Variants in HPRT1 observed in about 807,000 individuals in gnomAD.
The protein encoded by HPRT1 is hypoxanthine phosphoribosyltransferase 1, also known as hypoxanthine-guanine phosphoribosyltransferase.
In HPRT1, 4 loss-of-function variants were observed where a neutral mutation model predicts 19.0. That is an observed-to-expected ratio of 0.21 (90% CI 0.10 to 0.48). The LOEUF is 0.48. Ranked by LOEUF, HPRT1 falls within the 20% of genes least tolerant of loss-of-function variation. HPRT1 has a pLI of 0.98. For synonymous variants in HPRT1, 53 were observed against 54.9 expected (o/e 0.97, Z 0.15); for missense variants, 65 against 164.0 (o/e 0.40, Z 3.30).
At chrX:134,474,044 A>G (rs1569355024) in intron 2 of HPRT1, among the ~76,000 whole-genome samples, 1 of 112,347 alleles carries the variant, frequency 8.9e-6, no homozygotes. Flanking sequence ...TGTATACTAT[A>G]TGCAAAAGTA....
intron 6 of HPRT1, among the ~76,000 whole-genome samples, chrX:134,495,146 T>TATAG (rs1470534409): frequency 1.9e-5 from 2 of 103,778 alleles, no homozygotes; most frequent in Non-Finnish European, 3.9e-5. Flanking sequence ...TGGCCTACTG[T>TATAG]GATCACACCA....
intron 5 of HPRT1, among the ~76,000 whole-genome samples, chrX:134,490,708 A>T (rs940293118): frequency 9.3e-6 from 1 of 107,853 alleles, no homozygotes; most frequent in Non-Finnish European, 1.9e-5. Context: ...GTGGTTCTCA[A>T]AATGTGGTTC....
intron 3 of HPRT1, among the ~76,000 whole-genome samples, chrX:134,479,581 G>T (rs770703271): frequency 1.3e-3 from 138 of 110,220 alleles, no homozygotes; most frequent in Middle Eastern, 9.4e-3. Flanking sequence ...GTGGTTTTTT[G>T]TTGTTGTTGT....
At chrX:134,460,431 G>T (rs1056778087) in intron 1 of HPRT1, 93 bp downstream of exon 1, 4 of 748,596 alleles carry the variant, frequency 5.3e-6, no homozygotes, top group African/African-American at 4.5e-5. Flanking sequence ...GTGCGGGCTC[G>T]GGCGGCCGGG....
intron 6 of HPRT1, among the ~76,000 whole-genome samples, chrX:134,497,968 G>A (rs1481354496): frequency 9.0e-6 from 1 of 111,309 alleles, no homozygotes; most frequent in Non-Finnish European, 1.9e-5. Flanking sequence ...AAAGAATGTT[G>A]TGATAAAAGG....
intron 6 of HPRT1, 150 bp downstream of exon 6, chrX:134,493,740 A>G (rs1304245048): frequency 2.1e-6 from 1 of 476,888 alleles, no homozygotes; most frequent in African/African-American, 2.4e-5. Context: ...ATCCTTTTAA[A>G]TAATTTTGTC....
chrX:134,498,110 A>G (rs1392967638), intron 6 of HPRT1, among the ~76,000 whole-genome samples: 2 of 111,691 alleles, frequency 1.8e-5, no homozygotes, highest in South Asian at 3.7e-4. Context: ...CTCCCCTTCA[A>G]TGGACACATG....
chrX:134,465,728 C>A (rs1172788442), intron 1 of HPRT1, among the ~76,000 whole-genome samples: 1 of 112,402 alleles, frequency 8.9e-6, no homozygotes, highest in South Asian at 3.6e-4. Context: ...ACTGTCTCAG[C>A]AAATGGTAAG....
At chrX:134,493,392 T>C in intron 5 of HPRT1, 116 bp from the exon 6 acceptor site, 1 of 551,429 alleles carries the variant, frequency 1.8e-6, no homozygotes. Flanking sequence ...CATGTAGATT[T>C]TGGTGAGAAT....
At chrX:134,480,654 G>T (rs138823115) in intron 3 of HPRT1, among the ~76,000 whole-genome samples, 165 of 103,554 alleles carry the variant, frequency 1.6e-3, no homozygotes, top group African/African-American at 5.5e-3. Context: ...TTGCTGTGTT[G>T]CCCAGGCTGG....
Position 134,475,355 on chromosome X carries a change from G to A in HPRT1, c.309G>A (p.Lys103=). 8.8e-7 allele frequency: 1 copy of A among 1,134,193 alleles called. No individual in the cohort carries two copies. The highest frequency in any genetic ancestry group is 1.2e-6 in the Non-Finnish European group (1 of 825,692). 93.5% of individuals were successfully genotyped at this position (1,134,193 alleles called of 1,213,427 possible). A position where few individuals can be genotyped will look rare whatever the true frequency, so the allele number is the denominator to read the frequency against. The change falls in exon 3 of 9, where the codon AAG becomes AAA. Residue 103 remains lysine, a synonymous_variant. Coordinates refer to ENST00000298556, the MANE Select transcript of HPRT1 (RefSeq NM_000194.3). Reference sequence around the variant, plus strand: ...TGACTGTAGATTTTATCAGACTGAAGAGCTATTGTGTGAGTATATTTAATA... The same window carrying A: ...TGACTGTAGATTTTATCAGACTGAAAAGCTATTGTGTGAGTATATTTAATA... The part of the protein sequence containing the change: ...IPMTVDFIRL[K]SYCNDQSTGD...
At chrX:134,473,544 C>A (rs2077616106) in intron 2 of HPRT1, 79 bp downstream of exon 2, 2 of 601,226 alleles carry the variant, frequency 3.3e-6, no homozygotes, top group Non-Finnish European at 5.7e-6. Flanking sequence ...TGAGTACTTG[C>A]TATTTGAACA....
At chrX:134,471,954 G>T (rs754623434) in intron 1 of HPRT1, among the ~76,000 whole-genome samples, 133 of 109,659 alleles carry the variant, frequency 1.2e-3, no homozygotes, top group Non-Finnish European at 1.9e-3. Flanking sequence ...TTTTCTTGTG[G>T]TTTTTTTTGT....
intron 1 of HPRT1, among the ~76,000 whole-genome samples, chrX:134,468,485 T>C (rs1021522889): frequency 9.1e-6 from 1 of 109,742 alleles, no homozygotes; most frequent in African/African-American, 3.3e-5. Context: ...AGTGTGGTGG[T>C]GGGTGCCTGT....
At chrX:134,481,352 C>T (rs191092829) in intron 3 of HPRT1, among the ~76,000 whole-genome samples, 20 of 111,414 alleles carry the variant, frequency 1.8e-4, no homozygotes, top group East Asian at 2.8e-4. Context: ...TGTATGTAGT[C>T]GATTTCTTTG....
At chrX:134,496,829 C>A (rs1476896893) in intron 6 of HPRT1, among the ~76,000 whole-genome samples, 1 of 111,804 alleles carries the variant, frequency 8.9e-6, no homozygotes, top group Non-Finnish European at 1.9e-5. Context: ...TAGGTGAGTT[C>A]TGGTTTTTTA....
In HPRT1 at chrX:134,486,479, A is replaced by G; in HGVS notation, c.333A>G (p.Thr111=). The change falls in exon 4 of 9, where the codon ACA becomes ACG. Residue 111 remains threonine, a synonymous_variant. Coordinates refer to ENST00000298556, the MANE Select transcript of HPRT1 (RefSeq NM_000194.3). ...TTTTTAACTAGAATGACCAGTCAAC[A>G]GGGGACATAAAAGTAATTGGTGGAG... The part of the protein sequence containing the change: ...RLKSYCNDQS[T]GDIKVIGGDD... 1 of 1,137,711 alleles carries G rather than the reference A, an allele frequency of 8.8e-7. No homozygotes were observed. The highest frequency in any genetic ancestry group is 1.2e-6 in the Non-Finnish European group (1 of 833,676). 93.8% of individuals were successfully genotyped at this position (1,137,711 alleles called of 1,213,427 possible).
intron 4 of HPRT1, among the ~76,000 whole-genome samples, chrX:134,489,733 A>G (rs1202097516): frequency 8.9e-6 from 1 of 111,954 alleles, no homozygotes; most frequent in East Asian, 2.8e-4. Context: ...ATGCAGATCA[A>G]GTTTAGCCTA....
intron 2 of HPRT1, among the ~76,000 whole-genome samples, chrX:134,474,808 T>C (rs758765304): frequency 3.8e-4 from 43 of 112,138 alleles, no homozygotes; most frequent in Non-Finnish European, 6.6e-4. Flanking sequence ...GCTTGGTTTT[T>C]TTGAAGGTAT....
Sources: gnomAD v4.1 joint callset for allele counts (sites outside exome capture counted in the v4.1 genomes callset) on GRCh38, gnomAD v4.1.1 for gene constraint, MANE v1.5 for transcripts, NCBI Gene and HGNC (gene_info 2026-07-23, HGNC 2026-07-21) for gene names.